The following MAPK8IP3 variants were observed in gnomAD, a reference collection of about 807,000 sequenced individuals.
MAPK8IP3 encodes C-Jun-amino-terminal kinase-interacting protein 3.
MAPK8IP3 carries 49 observed loss-of-function variants against 157.8 expected under a neutral mutation model. The observed-to-expected ratio is 0.31, with a 90% CI of 0.25 to 0.39. The LOEUF is 0.39. MAPK8IP3 is among the 10% of genes least tolerant of loss of function. The pLI, the probability that MAPK8IP3 is intolerant of heterozygous loss-of-function variation, is 1.00. For missense variants in MAPK8IP3, 1,478 were observed against 1,889.4 expected (o/e 0.78, Z 4.04); for synonymous variants, 897 against 777.7 (o/e 1.15, Z -2.55).
Position 1,768,881 on chromosome 16 carries a change from GC to G in MAPK8IP3, c.*60del. ...TAGGACCCCCGACCACCTGACCCCC[GC>G]CCGGCCCGCGGGGTAGCCAGCCAGG... On this transcript the variant is annotated 3_prime_UTR_variant, in exon 32 of 32. Transcript: ENST00000610761. 1 of 1,588,044 alleles carries G rather than the reference GC, an allele frequency of 6.3e-7. No individual in the cohort carries two copies. The highest frequency in any genetic ancestry group is 2.3e-5 in the East Asian group (1 of 44,426).
intron 13 of MAPK8IP3, among the ~76,000 whole-genome samples, chr16:1,761,628 C>T (rs1438252192): frequency 6.8e-6 from 1 of 146,778 alleles, no homozygotes; most frequent in East Asian, 2.0e-4. Flanking sequence ...ACAGGCGGGG[C>T]GGCCACCATT....
At position 1,735,953 on chromosome 16, in the gene MAPK8IP3, A is replaced by T. The variant is rs1331458262; in HGVS notation, c.602+6375A>T. Among the ~76,000 whole-genome samples, 6 of 118,026 alleles carry T rather than the reference A, an allele frequency of 5.1e-5. No individual in the cohort carries two copies. The East Asian group carries it at 1.3e-3, about 26-fold the overall frequency. 77.4% of individuals were successfully genotyped at this position (118,026 alleles called of 152,430 possible). A position where few individuals can be genotyped will look rare whatever the true frequency, so the allele number is the denominator to read the frequency against. Reference sequence around the variant, plus strand: ...CCGTGTGACCGTCTGTGTGAGTGTGACCGCCCATGTGAGCATCCGTGTGAC... The same window carrying T: ...CCGTGTGACCGTCTGTGTGAGTGTGTCCGCCCATGTGAGCATCCGTGTGAC... On this transcript the variant is annotated intron_variant, in intron 4 of 31. Coordinates refer to ENST00000610761, the MANE Select transcript of MAPK8IP3 (RefSeq NM_001318852.2).
intron 4 of MAPK8IP3, among the ~76,000 whole-genome samples, chr16:1,738,519 T>TGA (rs1214756425): frequency 2.3e-5 from 3 of 130,180 alleles, no homozygotes; most frequent in Non-Finnish European, 4.8e-5. Context: ...ACCATCCATG[T>TGA]GAGCATCTGT....
chr16:1,768,097 G>C lies in MAPK8IP3; in HGVS notation c.3552G>C (p.Leu1184=). Residue 1184 remains leucine, a synonymous_variant, in exon 29 of 32, where the codon CTG becomes CTC. Coordinates refer to ENST00000610761, the MANE Select transcript of MAPK8IP3 (RefSeq NM_001318852.2). ...TGGTCCTGCACCGAGGCCAGCTCCTGGGGCTCCGAGGTAAGCCCAGCCACC... is the reference window on the plus strand; with the variant it reads ...TGGTCCTGCACCGAGGCCAGCTCCTCGGGCTCCGAGGTAAGCCCAGCCACC... ...ETVVLHRGQL[L]GLRANKTSPT... is the part of the protein sequence containing the mutation. 6.2e-7 allele frequency: 1 copy of C among 1,612,108 alleles called. No homozygotes were observed. Among genetic ancestry groups the C allele is most frequent in the Non-Finnish European group, 8.5e-7 (1 of 1,179,976 alleles).
At chr16:1,715,176 T>C (rs2038064527) in intron 1 of MAPK8IP3, among the ~76,000 whole-genome samples, 1 of 152,160 alleles carries the variant, frequency 6.6e-6, no homozygotes, top group Non-Finnish European at 1.5e-5. Context: ...AGCCATCCCT[T>C]TCACAGAACG....
Position 1,706,391 on chromosome 16 carries a change from G to A in MAPK8IP3, c.52G>A (p.Asp18Asn). 2.5e-6 allele frequency: 4 copies of A among 1,612,746 alleles called. No individual in the cohort carries two copies. The highest frequency in any genetic ancestry group is 3.4e-6 in the Non-Finnish European group (4 of 1,179,660). Residue 18 changes from aspartate to asparagine, a missense_variant, in exon 1 of 32, where the codon GAC becomes AAC. By Grantham distance (23) the Asp-to-Asn change is conservative. Transcript: ENST00000610761. This position sits in a 1 kb window ranked among gnomAD's most constrained non-coding sequence, Gnocchi z 5.1. ...CGGCGGCGTGGTGGTGTACCAGGAC[G>A]ACTACTGCTCCGGCTCGGTGATGTC... ...EGGGVVVYQD[D>N]YCSGSVMSER...
intron 28 of MAPK8IP3, 46 bp from the exon 29 acceptor site, chr16:1,768,023 A>T: frequency 6.2e-7 from 1 of 1,611,648 alleles, no homozygotes; most frequent in Non-Finnish European, 8.5e-7. Context: ...TGCTGCCCCT[A>T]CGCTGACCGC....
At chr16:1,767,383 G>A in intron 26 of MAPK8IP3, 86 bp downstream of exon 26, 1 of 1,565,544 alleles carries the variant, frequency 6.4e-7, no homozygotes. Flanking sequence ...AAGTCCACGA[G>A]GCCCTACGTG....
In MAPK8IP3 at chr16:1,722,061, C is replaced by T. The variant is rs902571939; in HGVS notation, c.319-2496C>T. Among the ~76,000 whole-genome samples the T allele has an allele frequency of 7.2e-5, 11 of 152,336 alleles. 1 individual carries two copies. The highest frequency in any genetic ancestry group is 5.2e-4 in the Admixed American group (8 of 15,296). ...CTGGGATTACAGGCGTGAGCCACCGCACCCAGACAACTTTTTGTTAAAAAT... is the reference window on the plus strand; with the variant it reads ...CTGGGATTACAGGCGTGAGCCACCGTACCCAGACAACTTTTTGTTAAAAAT... On this transcript the variant is annotated intron_variant, in intron 1 of 31. Transcript: ENST00000610761.
At position 1,723,775 on chromosome 16, in the gene MAPK8IP3, C is replaced by G. The variant is rs112641388; in HGVS notation, c.319-782C>G. 2.9e-4 allele frequency among the ~76,000 whole-genome samples: 44 copies of G among 152,298 alleles called. 1 individual carries two copies. The South Asian group carries it at 8.9e-3, about 31-fold the overall frequency. On this transcript the variant is annotated intron_variant, in intron 1 of 31. Transcript: ENST00000610761. ...GCTGTAGGAACTACACTTATGGCAT[C>G]GATGCCCGGCCACACCTGGGGCCTC...
At chr16:1,736,312 G>C (rs1356904713) in intron 4 of MAPK8IP3, among the ~76,000 whole-genome samples, 74 of 95,502 alleles carry the variant, frequency 7.7e-4, no homozygotes, top group Non-Finnish European at 1.3e-3. Context: ...GCGTCCGTGT[G>C]AGCGTGTGAC....
Position 1,763,004 on chromosome 16 carries a change from C to G in MAPK8IP3, c.1896C>G (p.Asp632Glu), listed in dbSNP as rs374144074. ...GCCGGCCCCTGGAATTCTTCCCTGACGAGTGAGTGTCCCGCAGCCCCCACT... is the reference window on the plus strand; with the variant it reads ...GCCGGCCCCTGGAATTCTTCCCTGAGGAGTGAGTGTCCCGCAGCCCCCACT... ...AGSRPLEFFP[D>E]DDCTSSARRE... The change falls in exon 16 of 32, where the codon GAC becomes GAG. Residue 632 changes from aspartate (D) to glutamate (E), a missense_variant and splice_region_variant. Asp to Glu is a conservative substitution (Grantham distance 45, BLOSUM62 2). Around this residue, in one of 11 missense-constraint regions of MAPK8IP3, gnomAD observed 669 missense variants for 759.8 expected, o/e 0.88. Transcript: ENST00000610761. The G allele has an allele frequency of 1.2e-6, 2 of 1,612,728 alleles. No homozygotes were observed. Among genetic ancestry groups the G allele is most frequent in the East Asian group, 2.2e-5 (1 of 44,880 alleles).
At chr16:1,760,324 C>T (rs1297564092) in intron 11 of MAPK8IP3, 56 bp from the exon 12 acceptor site, 1 of 1,565,104 alleles carries the variant, frequency 6.4e-7, no homozygotes, top group Non-Finnish European at 8.7e-7. Flanking sequence ...GGCAAGGCCC[C>T]TTCACGTACC....
Position 1,760,408 on chromosome 16 carries a change from C to T in MAPK8IP3, c.1333C>T (p.Leu445=). 6.2e-7 allele frequency: 1 copy of T among 1,613,704 alleles called. No individual in the cohort carries two copies. The highest frequency in any genetic ancestry group is 8.5e-7 in the Non-Finnish European group (1 of 1,179,732). ...CGCCTTGAATGTGGTGAAGAATGAC[C>T]TGATTGCCAAGGTCGACCAGCTGTC... ...KNALNVVKND[L]IAKVDQLSGE... is the part of the protein sequence containing the mutation. Residue 445 remains leucine, a synonymous_variant, in exon 12 of 32, where the codon CTG becomes TTG. Coordinates refer to ENST00000610761, the MANE Select transcript of MAPK8IP3 (RefSeq NM_001318852.2).
At chr16:1,727,436 GTCA>G (rs1451689786) in intron 2 of MAPK8IP3, among the ~76,000 whole-genome samples, 1 of 151,934 alleles carries the variant, frequency 6.6e-6, no homozygotes, top group African/African-American at 2.4e-5. Flanking sequence ...TGTGTCACGT[GTCA>G]TGTCTGTAAG....
intron 1 of MAPK8IP3, among the ~76,000 whole-genome samples, chr16:1,717,058 C>CA (rs373641996): frequency 2.0e-5 from 3 of 147,100 alleles, no homozygotes; most frequent in East Asian, 2.0e-4. Flanking sequence ...GATGCCGTCT[C>CA]AAAAAAAAAT....
At chr16:1,740,617 C>T (rs2040617439) in intron 4 of MAPK8IP3, among the ~76,000 whole-genome samples, 1 of 152,238 alleles carries the variant, frequency 6.6e-6, no homozygotes, top group Non-Finnish European at 1.5e-5. Context: ...GCTGCCCACG[C>T]CTTCTAACGC....
chr16:1,728,787 G>C (rs1338949616), intron 2 of MAPK8IP3, among the ~76,000 whole-genome samples: 8 of 132,832 alleles, frequency 6.0e-5, no homozygotes, highest in Admixed American at 1.6e-4. Flanking sequence ...GTTCTCCCAT[G>C]GCACAGCGCA....
intron 8 of MAPK8IP3, among the ~76,000 whole-genome samples, chr16:1,757,506 C>T (rs757957573): frequency 2.0e-5 from 3 of 152,208 alleles, no homozygotes; most frequent in Non-Finnish European, 2.9e-5. Flanking sequence ...TCCCGCAGAG[C>T]GTTTCCCTCG....
Sources: allele counts gnomAD v4.1 joint callset (sites outside exome capture counted in the v4.1 genomes callset), GRCh38; gene constraint gnomAD v4.1.1; regional missense constraint gnomAD v4.1.1; non-coding constraint Gnocchi (gnomAD v3.1); transcripts MANE v1.5; gene names NCBI Gene and HGNC (gene_info 2026-07-23, HGNC 2026-07-21).